Variants in PON3 observed in about 807,000 individuals in gnomAD.
The protein encoded by PON3 is paraoxonase 3.
PON3 carries 37 observed loss-of-function variants against 36.3 expected under a neutral mutation model. That is an observed-to-expected ratio of 1.02 (90% CI 0.78 to 1.34). PON3 has a LOEUF of 1.34. Ranked by LOEUF, PON3 falls within the 40% of genes most tolerant of loss-of-function variation. PON3 has a pLI of 0.00. For synonymous variants in PON3, 155 were observed against 154.8 expected (o/e 1.00, Z -0.01); for missense variants, 415 against 426.5 (o/e 0.97, Z 0.24).
At chr7:95,393,335 G>A (rs1258413520) in intron 2 of PON3, among the ~76,000 whole-genome samples, 5 of 152,094 alleles carry the variant, frequency 3.3e-5, no homozygotes, top group African/African-American at 4.8e-5. Context: ...TAAGTGAATC[G>A]GAGCTTCAGA....
At chr7:95,370,561 A>G (rs1187524369) in intron 4 of PON3, among the ~76,000 whole-genome samples, 1 of 152,224 alleles carries the variant, frequency 6.6e-6, no homozygotes, top group East Asian at 1.9e-4. Context: ...TGCTAAGCAA[A>G]TAAAAGTGTA....
At chr7:95,392,729 G>C (rs1273747247) in intron 2 of PON3, among the ~76,000 whole-genome samples, 4 of 152,160 alleles carry the variant, frequency 2.6e-5, no homozygotes, top group African/African-American at 9.7e-5. Flanking sequence ...TCTACACTAC[G>C]TATCATCGAA....
At chr7:95,375,654 T>G (rs1808900413) in intron 3 of PON3, among the ~76,000 whole-genome samples, 1 of 152,178 alleles carries the variant, frequency 6.6e-6, no homozygotes, top group Non-Finnish European at 1.5e-5. Flanking sequence ...AGAAATAAAA[T>G]AATCTGATAG....
At chr7:95,380,871 G>A (rs548170218) in intron 3 of PON3, among the ~76,000 whole-genome samples, 63 of 152,208 alleles carry the variant, frequency 4.1e-4, no homozygotes, top group African/African-American at 1.4e-3. Flanking sequence ...GATATTCCTC[G>A]AGAACAGCAA....
At chr7:95,394,021 C>A (rs555488469) in intron 2 of PON3, among the ~76,000 whole-genome samples, 3 of 152,186 alleles carry the variant, frequency 2.0e-5, no homozygotes, top group African/African-American at 7.2e-5. Flanking sequence ...CTCAGCCTTC[C>A]GAGTAGCTGG....
At chr7:95,365,651 T>G (rs1808673660) in intron 5 of PON3, 1 of 152,110 alleles carries the variant, frequency 6.6e-6, no homozygotes, top group Non-Finnish European at 1.5e-5. Context: ...AACCACAAAC[T>G]CAGTGGCTTA....
chr7:95,378,572 A>G lies in PON3; in HGVS notation c.202-6234T>C, dbSNP rs575875595. 2.6e-5 allele frequency among the ~76,000 whole-genome samples: 4 copies of G among 152,350 alleles called. No homozygotes were observed. In the East Asian group the frequency reaches 7.7e-4, roughly 29 times the overall value. ...GCTGATCTCTCGGCACAAACCCTAC[A>G]AGCCAGAAGAGAGTGGGGGCCAATA... On this transcript the variant is annotated intron_variant, in intron 3 of 8. Transcript: ENST00000265627.
intron 3 of PON3, among the ~76,000 whole-genome samples, chr7:95,386,747 G>A (rs1411621084): frequency 6.6e-6 from 1 of 152,112 alleles, no homozygotes. Context: ...AAAAATACTG[G>A]CAAACCGAAT....
At chr7:95,387,083 G>C (rs144516366) in intron 3 of PON3, among the ~76,000 whole-genome samples, 2,672 of 152,242 alleles carry the variant, frequency 0.018, 44 homozygotes, top group Middle Eastern at 0.061. Flanking sequence ...CACAAGACAA[G>C]GATGCCCTCT....
At chr7:95,387,196 G>A (rs1212276112) in intron 3 of PON3, among the ~76,000 whole-genome samples, 1 of 152,132 alleles carries the variant, frequency 6.6e-6, no homozygotes, top group East Asian at 1.9e-4. Context: ...ATGGCAAATT[G>A]TCTCTGTCTG....
chr7:95,391,607 A>T (rs1022408297), intron 2 of PON3, among the ~76,000 whole-genome samples: 1 of 152,260 alleles, frequency 6.6e-6, no homozygotes, highest in African/African-American at 2.4e-5. Flanking sequence ...AATAAACCTC[A>T]AAAGTCTGGG....
intron 2 of PON3, among the ~76,000 whole-genome samples, chr7:95,390,597 A>C (rs1585734793): frequency 6.6e-6 from 1 of 152,314 alleles, no homozygotes; most frequent in Middle Eastern, 3.4e-3. Flanking sequence ...CATAATCGTG[A>C]AGGTCTTTTA....
At chr7:95,390,609 T>C (rs912061003) in intron 2 of PON3, among the ~76,000 whole-genome samples, 9 of 152,164 alleles carry the variant, frequency 5.9e-5, no homozygotes, top group African/African-American at 1.9e-4. Flanking sequence ...GGTCTTTTAT[T>C]ACAGGCCTCT....
chr7:95,394,247 A>T (rs1468504707), intron 2 of PON3, among the ~76,000 whole-genome samples: 1 of 151,978 alleles, frequency 6.6e-6, no homozygotes, highest in African/African-American at 2.4e-5. Context: ...TTGAAAAAAA[A>T]TAACACTTGA....
chr7:95,385,651 T>C (rs142903445), intron 3 of PON3, among the ~76,000 whole-genome samples: 1,822 of 152,254 alleles, frequency 0.012, 23 homozygotes, highest in Middle Eastern at 0.02. Flanking sequence ...TATTCTAAAA[T>C]TGACCACATA....
At chr7:95,364,115 T>C in intron 5 of PON3, 52 bp from the exon 6 acceptor site, 1 of 1,420,060 alleles carries the variant, frequency 7.0e-7, no homozygotes, top group Non-Finnish European at 1.0e-6. Flanking sequence ...TTAAATATCC[T>C]TTATCCTTGT....
At chr7:95,380,270 T>C (rs1235906433) in intron 3 of PON3, among the ~76,000 whole-genome samples, 2 of 151,758 alleles carry the variant, frequency 1.3e-5, no homozygotes, top group East Asian at 1.9e-4. Flanking sequence ...AACAGAAAAA[T>C]TGAAAATTCT....
chr7:95,367,892 A>G (rs1269082061), intron 4 of PON3, among the ~76,000 whole-genome samples: 2 of 152,222 alleles, frequency 1.3e-5, no homozygotes, highest in Admixed American at 6.5e-5. Context: ...TGTGTGTACA[A>G]TAATTATCTA....
chr7:95,378,459 T>C (rs1001504319), intron 3 of PON3, among the ~76,000 whole-genome samples: 7 of 152,134 alleles, frequency 4.6e-5, no homozygotes, highest in African/African-American at 1.2e-4. Flanking sequence ...TTGTCAGATT[T>C]ACCAAGGTTG....
Sources: allele counts gnomAD v4.1 joint callset (sites outside exome capture counted in the v4.1 genomes callset), GRCh38; gene constraint gnomAD v4.1.1; transcripts MANE v1.5; gene names NCBI Gene and HGNC (gene_info 2026-07-23, HGNC 2026-07-21).